NIN: variants seen among roughly 807,000 people sequenced by gnomAD.
The protein encoded by NIN is glycogen synthase kinase 3 beta-interacting protein.
Under a neutral mutation model 257.6 loss-of-function variants are expected in NIN, and 137 were observed. The ratio of observed to expected loss-of-function variants is 0.53; its 90% CI spans 0.46 to 0.61. NIN has a LOEUF of 0.61. NIN is among the 20% of genes least tolerant of loss of function. NIN has a pLI of 0.00. For missense variants in NIN, 2,439 were observed against 2,501.2 expected (o/e 0.98, Z 0.53); for synonymous variants, 918 against 919.8 (o/e 1.00, Z 0.04).
chr14:50,781,477 T>C (rs1405611745), intron 5 of NIN, among the ~76,000 whole-genome samples: 1 of 152,210 alleles, frequency 6.6e-6, no homozygotes, highest in Non-Finnish European at 1.5e-5. Context: ...AGCAAGATGC[T>C]CCAATATACT....
chr14:50,731,403 C>T (rs538306222), intron 28 of NIN, among the ~76,000 whole-genome samples: 47 of 151,738 alleles, frequency 3.1e-4, no homozygotes, highest in African/African-American at 9.9e-4. Context: ...GGTGGCACGT[C>T]GCCTTTGGTC....
chr14:50,817,152 C>T (rs1430688645), intron 3 of NIN, among the ~76,000 whole-genome samples: 1 of 152,148 alleles, frequency 6.6e-6, no homozygotes, highest in African/African-American at 2.4e-5. Context: ...ATTTAAGTCT[C>T]CCTAGCCTCC....
intron 21 of NIN, 99 bp downstream of exon 21, chr14:50,752,419 A>T: frequency 2.2e-6 from 2 of 892,418 alleles, no homozygotes; most frequent in Non-Finnish European, 3.6e-6. Flanking sequence ...ATACTGTTTT[A>T]ATTACTAAGG....
chr14:50,739,494 A>G lies in NIN; in HGVS notation c.5449-7T>C, dbSNP rs1486825573. 6.2e-7 allele frequency: 1 copy of G among 1,613,814 alleles called. No homozygotes were observed. Among genetic ancestry groups the G allele is most frequent in the Non-Finnish European group, 8.5e-7 (1 of 1,179,894 alleles). On this transcript the variant is annotated splice_region_variant and splice_polypyrimidine_tract_variant and intron_variant, in intron 25 of 30. Transcript: ENST00000530997. ...CTATCTCTGGGGCCCAGCTCTTAAGAGAATTGCAGAGTGTAAGCCTTAAAA... is the reference window on the plus strand; with the variant it reads ...CTATCTCTGGGGCCCAGCTCTTAAGGGAATTGCAGAGTGTAAGCCTTAAAA...
intron 5 of NIN, among the ~76,000 whole-genome samples, chr14:50,783,051 G>C (rs1595861469): frequency 6.6e-6 from 1 of 152,250 alleles, no homozygotes; most frequent in South Asian, 2.1e-4. Context: ...AGGCAAGTGG[G>C]GGTGGGGGTT....
chr14:50,745,320 G>C lies in NIN; in HGVS notation c.5065-955C>G, dbSNP rs2041488170. 2.6e-5 allele frequency among the ~76,000 whole-genome samples: 4 copies of C among 152,224 alleles called. No individual in the cohort carries two copies. In the South Asian group the frequency reaches 8.3e-4, roughly 32 times the overall value. On this transcript the variant is annotated intron_variant, in intron 22 of 30. Transcript: ENST00000530997. ...GTTGTGAAAACAAAAAATGTGCCCA[G>C]ACATTGATAAATGTTCTGGGGCAGG...
chr14:50,774,902 C>CTCT (rs2042863129), intron 7 of NIN, among the ~76,000 whole-genome samples: 2 of 151,126 alleles, frequency 1.3e-5, no homozygotes, highest in African/African-American at 2.4e-5. Context: ...CTGGGGCACG[C>CTCT]TCTACACTTT....
intron 21 of NIN, among the ~76,000 whole-genome samples, chr14:50,748,864 T>C (rs1233283591): frequency 1.3e-5 from 2 of 152,122 alleles, no homozygotes; most frequent in East Asian, 3.8e-4. Flanking sequence ...AGAATCAATA[T>C]CGTGAAAATG....
chr14:50,778,544 G>C (rs1257829732), intron 6 of NIN, among the ~76,000 whole-genome samples: 1 of 152,178 alleles, frequency 6.6e-6, no homozygotes, highest in Non-Finnish European at 1.5e-5. Context: ...AGAGAAATTA[G>C]CCCGTAAGTA....
chr14:50,721,781 T>G lies in NIN; in HGVS notation c.*1682A>C, dbSNP rs1032646788. 2.7e-5 allele frequency: 6 copies of G among 223,720 alleles called. No individual in the cohort carries two copies. The highest frequency in any genetic ancestry group is 1.3e-4 in the African/African-American group (6 of 44,832). 13.9% of individuals were successfully genotyped at this position (223,720 alleles called of 1,614,324 possible). ...AAAGGTTTGCTTCATCAGTGTGAAC[T>G]CCCAGTCCCACAAAAAACAGTGCCT... On this transcript the variant is annotated 3_prime_UTR_variant, in exon 31 of 31. Coordinates refer to ENST00000530997, the MANE Select transcript of NIN (RefSeq NM_020921.4).
At position 50,818,567 on chromosome 14, in the gene NIN, C is replaced by T. The variant is rs577023488; in HGVS notation, c.183+3307G>A. Among the ~76,000 whole-genome samples the T allele has an allele frequency of 3.9e-5, 6 of 152,244 alleles. No homozygotes were observed. The South Asian group carries it at 6.2e-4, about 16-fold the overall frequency. ...TTACCCGACTAGATTGTAAGTTTTT[C>T]GGTGTCTTGAGAAGCCCCTTGTGAT... On this transcript the variant is annotated intron_variant, in intron 3 of 30. Transcript: ENST00000530997.
chr14:50,790,080 G>C (rs1019531141), intron 5 of NIN, among the ~76,000 whole-genome samples: 26 of 152,094 alleles, frequency 1.7e-4, no homozygotes, highest in African/African-American at 5.3e-4. Flanking sequence ...TTGGAGACAA[G>C]GTCTTGCTCT....
In NIN at chr14:50,756,709, G is replaced by GAAAGCCT; in HGVS notation, c.4314_4320dup (p.Gln1441ArgfsTer28). 1 of 1,551,642 alleles carries GAAAGCCT rather than the reference G, an allele frequency of 6.4e-7. No homozygotes were observed. The highest frequency in any genetic ancestry group is 8.7e-7 in the Non-Finnish European group (1 of 1,146,998). ...GCCTGATGCTGAAAATGTTTGTCTT[G>GAAAGCCT]AAAGCCTAGGAGAGTAGTGTTTTCC... is the stretch of plus-strand genomic sequence containing the variant. On this transcript the variant is annotated frameshift_variant, in exon 18 of 31. Coordinates refer to ENST00000530997, the MANE Select transcript of NIN (RefSeq NM_020921.4). LOFTEE classifies it high-confidence loss of function.
At chr14:50,793,390 G>C (rs1357356285) in intron 4 of NIN, among the ~76,000 whole-genome samples, 2 of 151,830 alleles carry the variant, frequency 1.3e-5, no homozygotes, top group African/African-American at 2.4e-5. Flanking sequence ...TGATCTATCA[G>C]ACAAGCAGAT....
rs563074297 is a variant in NIN, at chr14:50,721,948, C to T, written c.*1515G>A. On this transcript the variant is annotated 3_prime_UTR_variant, in exon 31 of 31. Coordinates refer to ENST00000530997, the MANE Select transcript of NIN (RefSeq NM_020921.4). ...TGACTTCTTGGGCAGTTTGCTTTCT[C>T]TTGTGTTCCTGCCCATAAAGCAGTG... 3 of 227,046 alleles carry T rather than the reference C, an allele frequency of 1.3e-5. No homozygotes were observed. Among genetic ancestry groups the T allele is most frequent in the Admixed American group, 5.7e-5 (1 of 17,590 alleles). The allele number at this position is 227,046 out of a possible 1,614,324, so 14.1% of individuals were successfully genotyped here.
intron 4 of NIN, among the ~76,000 whole-genome samples, chr14:50,804,601 G>A (rs1173438731): frequency 6.6e-6 from 1 of 152,188 alleles, no homozygotes; most frequent in Non-Finnish European, 1.5e-5. Flanking sequence ...GCATAGCAGT[G>A]AGGCAGACAC....
intron 28 of NIN, chr14:50,730,845 T>C: frequency 8.8e-7 from 1 of 1,135,442 alleles, no homozygotes; most frequent in South Asian, 1.4e-5. Context: ...ACTGTTACAA[T>C]CAACAGAAAT....
At chr14:50,788,251 C>G (rs1477254777) in intron 5 of NIN, among the ~76,000 whole-genome samples, 2 of 152,210 alleles carry the variant, frequency 1.3e-5, no homozygotes, top group Non-Finnish European at 2.9e-5. Flanking sequence ...AACATAGGCT[C>G]TCCCACCCGT....
chr14:50,776,881 G>T, intron 7 of NIN, 68 bp downstream of exon 7: 1 of 1,414,002 alleles, frequency 7.1e-7, no homozygotes, highest in Non-Finnish European at 9.7e-7. Context: ...CACTACAGCT[G>T]TTCCTAGCAT....
Sources: allele counts gnomAD v4.1 joint callset (sites outside exome capture counted in the v4.1 genomes callset), GRCh38; gene constraint gnomAD v4.1.1; transcripts MANE v1.5; gene names NCBI Gene and HGNC (gene_info 2026-07-23, HGNC 2026-07-21).